NDUFA5: variants seen among roughly 807,000 people sequenced by gnomAD.
NDUFA5 encodes NADH:ubiquinone oxidoreductase subunit A5, also known as NADH dehydrogenase [ubiquinone] 1 alpha subcomplex subunit 5.
In NDUFA5, 11 loss-of-function variants were observed where a neutral mutation model predicts 19.8. That is an observed-to-expected ratio of 0.56 (90% CI 0.35 to 0.92). The LOEUF is 0.92. Ranked by LOEUF, NDUFA5 falls within the 40% of genes least tolerant of loss-of-function variation. The pLI is 0.01. For synonymous variants in NDUFA5, 47 were observed against 46.8 expected (o/e 1.00, Z -0.01); for missense variants, 109 against 134.2 (o/e 0.81, Z 0.93).
chr7:123,556,922 T>C (rs1415391309), intron 2 of NDUFA5: 1 of 497,810 alleles, frequency 2.0e-6, no homozygotes, highest in African/African-American at 2.0e-5. Context: ...AGCAAAGAAA[T>C]GGTGTGATTA....
the NDUFA5 span, among the ~76,000 whole-genome samples, chr7:123,565,153 G>T: frequency 6.6e-6 from 1 of 152,136 alleles, no homozygotes; most frequent in Non-Finnish European, 1.5e-5. Context: ...AAGAGTAAGA[G>T]CACTGATAAT....
the NDUFA5 span, among the ~76,000 whole-genome samples, chr7:123,583,406 T>C: frequency 6.6e-6 from 1 of 151,766 alleles, no homozygotes; most frequent in Admixed American, 6.6e-5. Flanking sequence ...ATTTCTAAAC[T>C]CCTCCAAAAG....
the NDUFA5 span, among the ~76,000 whole-genome samples, chr7:123,586,408 T>C: frequency 1.3e-5 from 2 of 151,860 alleles, no homozygotes; most frequent in African/African-American, 4.8e-5. Flanking sequence ...ATCCTTTGCC[T>C]GTTTTTTAAT....
rs913651249 is a variant in NDUFA5 at position 123,541,184 on chromosome 7, C to T, written c.*935G>A. 38 of 152,124 alleles carry T rather than the reference C, an allele frequency of 2.5e-4. No homozygotes were observed. Among genetic ancestry groups the T allele is most frequent in the African/African-American group, 8.9e-4 (37 of 41,426 alleles). 9.4% of individuals were successfully genotyped at this position (152,124 alleles called of 1,614,324 possible). ...AGTGACTCCACTTTTAATTTATGGT[C>T]GTATGACTAAGATGTTTTGAATATA... is the stretch of plus-strand genomic sequence containing the variant. On this transcript the variant is annotated 3_prime_UTR_variant, in exon 5 of 5. Coordinates refer to ENST00000355749, the MANE Select transcript of NDUFA5 (RefSeq NM_005000.5).
chr7:123,548,674 T>G, intron 3 of NDUFA5, among the ~76,000 whole-genome samples: 1 of 152,278 alleles, frequency 6.6e-6, no homozygotes, highest in East Asian at 1.9e-4. Context: ...GAGCCAGAAC[T>G]TAGAAGGCCT....
At position 123,557,396 on chromosome 7, in the gene NDUFA5, G is replaced by A. The variant is rs181915478; in HGVS notation, c.66+8C>T. 1 of 1,613,644 alleles carries A rather than the reference G, an allele frequency of 6.2e-7. No individual in the cohort carries two copies. ...ATTCAAGAACGAAGAAAGAACAAAGGTACATACCTCGTGAGGAGTATTGCA... is the reference window on the plus strand; with the variant it reads ...ATTCAAGAACGAAGAAAGAACAAAGATACATACCTCGTGAGGAGTATTGCA... On this transcript the variant is annotated splice_region_variant and intron_variant, in intron 2 of 4. Coordinates refer to ENST00000355749, the MANE Select transcript of NDUFA5 (RefSeq NM_005000.5).
At chr7:123,557,586 T>G (rs970666203) in intron 1 of NDUFA5, 138 bp from the exon 2 acceptor site, 3 of 1,613,052 alleles carry the variant, frequency 1.9e-6, no homozygotes, top group African/African-American at 1.3e-5. Flanking sequence ...CTCGCTTGTT[T>G]GGAGCTTTTT....
chr7:123,560,730 T>A (rs1798678002), upstream of NDUFA5, among the ~76,000 whole-genome samples: 1 of 152,166 alleles, frequency 6.6e-6, no homozygotes, highest in South Asian at 2.1e-4. Context: ...GAGAGCAAGA[T>A]CTCTGGTGTC....
At chr7:123,580,569 G>A in the NDUFA5 span, among the ~76,000 whole-genome samples, 1 of 152,000 alleles carries the variant, frequency 6.6e-6, no homozygotes, top group African/African-American at 2.4e-5. Flanking sequence ...GGTTAAATGA[G>A]ATAATGCATA....
chr7:123,565,604 G>A, the NDUFA5 span, among the ~76,000 whole-genome samples: 3 of 152,148 alleles, frequency 2.0e-5, no homozygotes, highest in Non-Finnish European at 4.4e-5. Flanking sequence ...CTTCAGGCCG[G>A]GTGCGGTGGC....
chr7:123,549,417 G>GTTTT (rs570201355), intron 3 of NDUFA5, among the ~76,000 whole-genome samples: 5 of 152,034 alleles, frequency 3.3e-5, no homozygotes, highest in African/African-American at 9.7e-5. Context: ...CAAGCATACA[G>GTTTT]TTTTTTTTAT....
At chr7:123,585,008 A>C in the NDUFA5 span, 13 of 152,012 alleles carry the variant, frequency 8.6e-5, no homozygotes, top group East Asian at 2.3e-3. Flanking sequence ...CACCTGAAAG[A>C]AACAATGAGT....
At chr7:123,597,700 A>G in the NDUFA5 span, among the ~76,000 whole-genome samples, 36,188 of 151,938 alleles carry the variant, frequency 0.24, 4,883 homozygotes, top group Non-Finnish European at 0.28. Flanking sequence ...ACGTGGTGGC[A>G]CACACCTGTA....
the NDUFA5 span, among the ~76,000 whole-genome samples, chr7:123,578,896 A>G: frequency 6.6e-6 from 1 of 152,096 alleles, no homozygotes; most frequent in African/African-American, 2.4e-5. Context: ...TGTAATTTAC[A>G]TGCAAGGTAT....
the NDUFA5 span, among the ~76,000 whole-genome samples, chr7:123,583,883 A>G: frequency 1.3e-5 from 2 of 151,894 alleles, no homozygotes; most frequent in Non-Finnish European, 2.9e-5. Flanking sequence ...GCCAAATCCA[A>G]TGGTCAGTTC....
At chr7:123,556,733 C>T (rs759753797) in intron 2 of NDUFA5, 2 of 405,392 alleles carry the variant, frequency 4.9e-6, no homozygotes, top group Non-Finnish European at 9.4e-6. Context: ...TCAAATGTGT[C>T]AAAAAACGCT....
chr7:123,582,532 A>G, the NDUFA5 span, among the ~76,000 whole-genome samples: 8 of 152,100 alleles, frequency 5.3e-5, no homozygotes, highest in South Asian at 1.7e-3. Context: ...CATTGTCTGT[A>G]GGTTCCTCAA....
chr7:123,580,510 T>G, the NDUFA5 span, among the ~76,000 whole-genome samples: 1 of 151,986 alleles, frequency 6.6e-6, no homozygotes, highest in African/African-American at 2.4e-5. Context: ...ACTTCTTCCT[T>G]GAAAAATGGT....
the NDUFA5 span, among the ~76,000 whole-genome samples, chr7:123,569,772 G>C: frequency 6.6e-6 from 1 of 151,896 alleles, no homozygotes; most frequent in Non-Finnish European, 1.5e-5. Context: ...TGGTTGCAGG[G>C]GACATGTAGG....
Sources: gnomAD v4.1 joint callset for allele counts (sites outside exome capture counted in the v4.1 genomes callset) on GRCh38, gnomAD v4.1.1 for gene constraint, MANE v1.5 for transcripts, NCBI Gene and HGNC (gene_info 2026-07-23, HGNC 2026-07-21) for gene names.